Variants in PPFIA2 observed in about 807,000 individuals in gnomAD.
PPFIA2 encodes liprin-alpha-2.
In PPFIA2, 46 loss-of-function variants were observed where a neutral mutation model predicts 175.5. That is an observed-to-expected ratio of 0.26 (90% CI 0.21 to 0.34). The LOEUF (loss-of-function observed/expected upper bound fraction) is 0.34, where lower values mean the gene tolerates loss of function less well. Among genes scored for constraint, PPFIA2 ranks in the 10% least tolerant of loss-of-function variants. The pLI, the probability that PPFIA2 is intolerant of heterozygous loss-of-function variation, is 1.00. For missense variants in PPFIA2, 1,179 were observed against 1,506.1 expected (o/e 0.78, Z 3.60); for synonymous variants, 568 against 511.4 (o/e 1.11, Z -1.49).
At position 81,630,899 on chromosome 12, in the gene PPFIA2, A is replaced by ATT. The variant is rs56990168; in HGVS notation, c.303+45890_303+45891dup. On this transcript the variant is annotated intron_variant, in intron 4 of 32. Transcript: ENST00000549396. Reference sequence around the variant, plus strand: ...GGAAAGGCTATATATATATATATATATTTTTTTTTTTTTTCCAGACAGAGT... The same window carrying ATT: ...GGAAAGGCTATATATATATATATATATTTTTTTTTTTTTTTTCCAGACAGAGT... Among the ~76,000 whole-genome samples the ATT allele has an allele frequency of 7.5e-5, 8 of 106,476 alleles. No individual in the cohort carries two copies. The East Asian group carries it at 1.2e-3, about 16-fold the overall frequency. The allele number at this position is 106,476 out of a possible 152,430, so 69.9% of individuals were successfully genotyped here.
At chr12:81,619,195 T>G (rs1306570640) in intron 4 of PPFIA2, among the ~76,000 whole-genome samples, 1 of 152,188 alleles carries the variant, frequency 6.6e-6, no homozygotes, top group African/African-American at 2.4e-5. Context: ...TGGTAATGGG[T>G]TGGGAACATG....
chr12:81,736,935 G>A (rs2081653807), intron 3 of PPFIA2, among the ~76,000 whole-genome samples: 1 of 151,732 alleles, frequency 6.6e-6, no homozygotes, highest in South Asian at 2.1e-4. Context: ...GTAGAGAAGG[G>A]GGTCTCACTT....
At chr12:81,685,014 C>A (rs114637256) in intron 3 of PPFIA2, among the ~76,000 whole-genome samples, 1 of 152,030 alleles carries the variant, frequency 6.6e-6, no homozygotes, top group African/African-American at 2.4e-5. Flanking sequence ...AAAATTTGAC[C>A]TAACATGTAT....
intron 3 of PPFIA2, among the ~76,000 whole-genome samples, chr12:81,707,147 C>T (rs1031175927): frequency 2.0e-5 from 3 of 152,112 alleles, no homozygotes; most frequent in Non-Finnish European, 2.9e-5. Context: ...AAAGCAATGG[C>T]AACAAAAGCC....
intron 2 of PPFIA2, among the ~76,000 whole-genome samples, chr12:81,755,386 T>C (rs1406457790): frequency 1.3e-5 from 2 of 152,160 alleles, no homozygotes; most frequent in Non-Finnish European, 2.9e-5. Context: ...TGCAAAAGGC[T>C]GATGTAAAGA....
intron 4 of PPFIA2, among the ~76,000 whole-genome samples, chr12:81,483,706 A>G (rs941968446): frequency 6.6e-6 from 1 of 152,092 alleles, no homozygotes; most frequent in Non-Finnish European, 1.5e-5. Flanking sequence ...GTTGTTATGA[A>G]AAACTGTAAG....
intron 4 of PPFIA2, among the ~76,000 whole-genome samples, chr12:81,533,028 A>G (rs994662078): frequency 6.6e-6 from 1 of 151,648 alleles, no homozygotes; most frequent in African/African-American, 2.4e-5. Flanking sequence ...TGCAGCTGAC[A>G]GTGCAACTTT....
At chr12:81,461,189 C>T (rs1288997551) in intron 4 of PPFIA2, among the ~76,000 whole-genome samples, 5 of 152,036 alleles carry the variant, frequency 3.3e-5, no homozygotes, top group African/African-American at 1.2e-4. Flanking sequence ...GCAGTTGGCA[C>T]TTTGTTTTGC....
intron 4 of PPFIA2, among the ~76,000 whole-genome samples, chr12:81,623,336 AAG>A (rs1194808146): frequency 6.6e-6 from 1 of 152,064 alleles, no homozygotes; most frequent in African/African-American, 2.4e-5. Flanking sequence ...ATCAATTAAA[AAG>A]AGAGAATACA....
chr12:81,266,511 T>C (rs2037304716), intron 30 of PPFIA2, among the ~76,000 whole-genome samples: 1 of 152,194 alleles, frequency 6.6e-6, no homozygotes, highest in African/African-American at 2.4e-5. Flanking sequence ...TATAAAATAA[T>C]AAAAAGCTTT....
At chr12:81,277,549 A>G in intron 27 of PPFIA2, 135 bp from the exon 28 acceptor site, 5 of 904,692 alleles carry the variant, frequency 5.5e-6, no homozygotes, top group Non-Finnish European at 7.4e-6. Context: ...TTGCAGCCAA[A>G]TCCTTCAGTA....
intron 4 of PPFIA2, among the ~76,000 whole-genome samples, chr12:81,467,665 T>C (rs567809567): frequency 6.6e-6 from 1 of 152,216 alleles, no homozygotes; most frequent in Admixed American, 6.6e-5. Flanking sequence ...TCTGATTGCA[T>C]CTATTATCAC....
chr12:81,678,243 T>C (rs1401992349), intron 3 of PPFIA2, among the ~76,000 whole-genome samples: 1 of 151,840 alleles, frequency 6.6e-6, no homozygotes, highest in Non-Finnish European at 1.5e-5. Context: ...GTAATGGAAA[T>C]TTAAATGCCT....
intron 4 of PPFIA2, among the ~76,000 whole-genome samples, chr12:81,541,048 T>A (rs1030775782): frequency 6.6e-6 from 1 of 152,118 alleles, no homozygotes; most frequent in Non-Finnish European, 1.5e-5. Flanking sequence ...TAGATACTCA[T>A]AAACAACATA....
intron 3 of PPFIA2, among the ~76,000 whole-genome samples, chr12:81,684,074 T>G (rs575559578): frequency 2.0e-5 from 3 of 152,178 alleles, no homozygotes; most frequent in African/African-American, 7.2e-5. Context: ...ACATTAGGTG[T>G]CAAATTTCAA....
chr12:81,387,048 A>G (rs2039132570), intron 8 of PPFIA2, among the ~76,000 whole-genome samples: 1 of 152,010 alleles, frequency 6.6e-6, no homozygotes, highest in African/African-American at 2.4e-5. Flanking sequence ...AAATTTGCCC[A>G]TCGACACCTG....
intron 4 of PPFIA2, among the ~76,000 whole-genome samples, chr12:81,527,473 G>A (rs937610154): frequency 6.6e-6 from 1 of 151,846 alleles, no homozygotes; most frequent in African/African-American, 2.4e-5. Context: ...ACTAATCTTA[G>A]CAAGGTCCAC....
chr12:81,294,439 TAGGAAGGAAGGAAGGAAGGAAGGA>T lies in PPFIA2; in HGVS notation c.2925+372_2925+395del, dbSNP rs141474237. 1.1e-4 allele frequency: 13 copies of T among 116,702 alleles called. No homozygotes were observed. In the East Asian group the frequency reaches 1.8e-3, roughly 16 times the overall value. 7.2% of individuals were successfully genotyped at this position (116,702 alleles called of 1,614,324 possible). A position where few individuals can be genotyped will look rare whatever the true frequency, so the allele number is the denominator to read the frequency against. The stretch of plus-strand genomic sequence containing the variant: ...AAGGGAAGGAAGGAAGGAAGGTAGG[TAGGAAGGAAGGAAGGAAGGAAGGA>T]AGGAAGGAAGGAAGGAAGGAAGGAA... On this transcript the variant is annotated intron_variant, in intron 24 of 32. Transcript: ENST00000549396.
At chr12:81,314,192 G>A (rs1486631535) in intron 22 of PPFIA2, among the ~76,000 whole-genome samples, 1 of 151,750 alleles carries the variant, frequency 6.6e-6, no homozygotes, top group Non-Finnish European at 1.5e-5. Flanking sequence ...AGTTATAAAT[G>A]ACCCATATTT....
Sources: gnomAD v4.1 joint callset for allele counts (sites outside exome capture counted in the v4.1 genomes callset) on GRCh38, gnomAD v4.1.1 for gene constraint, MANE v1.5 for transcripts, NCBI Gene and HGNC (gene_info 2026-07-23, HGNC 2026-07-21) for gene names.